USP54: variants seen among roughly 807,000 people sequenced by gnomAD.
USP54 encodes ubiquitin specific peptidase 54.
In USP54, 87 loss-of-function variants were observed where a neutral mutation model predicts 170.5. The observed-to-expected ratio is 0.51, with a 90% CI of 0.43 to 0.61. USP54 has a LOEUF of 0.61. Among genes scored for constraint, USP54 ranks in the 20% least tolerant of loss-of-function variants. The probability of loss-of-function intolerance (pLI) is 0.00; values close to 1 mark genes in which losing one functional copy is unlikely to be tolerated. For synonymous variants in USP54, 655 were observed against 742.8 expected, an observed-to-expected ratio of 0.88 and a Z score of 1.92; for missense variants, 1,786 against 2,047.8, an observed-to-expected ratio of 0.87 and a Z score of 2.47.
intron 20 of USP54, among the ~76,000 whole-genome samples, chr10:73,510,983 C>T (rs2060107572): frequency 6.6e-6 from 1 of 151,574 alleles, no homozygotes; most frequent in Non-Finnish European, 1.5e-5. Context: ...ATGTCCAGAA[C>T]AGGCAAATCT....
Position 73,520,953 on chromosome 10 carries a change from T to C in USP54, c.2437A>G (p.Lys813Glu). The C allele has an allele frequency of 6.2e-7, 1 of 1,614,210 alleles. No homozygotes were observed. The highest frequency in any genetic ancestry group is 1.6e-4 in the Middle Eastern group (1 of 6,062). Residue 813 changes from lysine to glutamate, a missense_variant, in exon 18 of 24, where the codon AAA (lysine) becomes GAA (glutamate). Physicochemically the swap from Lys to Glu is moderately conservative, Grantham distance 56. Transcript: ENST00000687698. ...GCCAAAGCTGCAGCACAGTCTCCTT[T>C]CTGTTCCAGATGTAGTGACTCTTCA... ...VFEESLHLEQ[K>E]GDCAAALALC...
At chr10:73,570,278 T>C (rs562298988) in intron 4 of USP54, among the ~76,000 whole-genome samples, 2 of 152,068 alleles carry the variant, frequency 1.3e-5, no homozygotes, top group African/African-American at 4.8e-5. Flanking sequence ...ATCATAGCTC[T>C]TTCTCTTTAG....
At position 73,526,776 on chromosome 10, in the gene USP54, G is replaced by C. The variant is rs1564698354; in HGVS notation, c.2065C>G (p.Pro689Ala). The C allele has an allele frequency of 1.9e-6, 3 of 1,613,666 alleles. No individual in the cohort carries two copies. The highest frequency in any genetic ancestry group is 2.5e-6 in the Non-Finnish European group (3 of 1,179,916). ...AACCCAGCTGATCTCTTAGCACTTG[G>C]ATCCCTTCAAAAGAGAACTCAGAGT... The part of the protein sequence containing the change: ...LPESSNVYRD[P>A]SAKRSAGLVP... Residue 689 changes from proline to alanine, a missense_variant, in exon 16 of 24, where the codon CCA becomes GCA. Pro to Ala is a conservative substitution (Grantham distance 27, BLOSUM62 -1). This residue lies in a region of USP54 where 1,418 missense variants were observed against 1,569.0 expected (regional missense o/e 0.90). Transcript: ENST00000687698.
intron 3 of USP54, among the ~76,000 whole-genome samples, chr10:73,572,093 C>T (rs1176472657): frequency 6.6e-6 from 1 of 152,084 alleles, no homozygotes; most frequent in Non-Finnish European, 1.5e-5. Context: ...TTGAGAATGG[C>T]ACTATACTTT....
rs1323209225 is a variant in USP54, at chr10:73,497,622, T to G, written c.*1007A>C. 1 of 152,326 alleles carries G rather than the reference T, an allele frequency of 6.6e-6. No individual in the cohort carries two copies. Among genetic ancestry groups the G allele is most frequent in the Non-Finnish European group, 1.5e-5 (1 of 68,062 alleles). 9.4% of individuals were successfully genotyped at this position (152,326 alleles called of 1,614,324 possible). ...TGGCCTAAAATAGTTCAGCTGACTC[T>G]GAGGGTTTACATTGACGACTGAGCA... On this transcript the variant is annotated 3_prime_UTR_variant, in exon 24 of 24. Coordinates refer to ENST00000687698, the MANE Select transcript of USP54 (RefSeq NM_001391956.1).
chr10:73,623,226 A>AG (rs2081231473), intron 1 of USP54, among the ~76,000 whole-genome samples: 1 of 152,096 alleles, frequency 6.6e-6, no homozygotes, highest in Non-Finnish European at 1.5e-5. Flanking sequence ...CTACAAAAAA[A>AG]ATTTTAATAA....
intron 11 of USP54, among the ~76,000 whole-genome samples, chr10:73,535,846 A>C (rs948549581): frequency 1.6e-4 from 24 of 152,140 alleles, no homozygotes; most frequent in African/African-American, 5.6e-4. Flanking sequence ...GCCCAGCTAC[A>C]CATTTGCAAT....
Position 73,575,832 on chromosome 10 carries a change from G to A in USP54, c.-52C>T. 1.5e-6 allele frequency: 1 copy of A among 672,014 alleles called. No homozygotes were observed. Among genetic ancestry groups the A allele is most frequent in the Non-Finnish European group, 2.3e-6 (1 of 434,052 alleles). The allele number at this position is 672,014 out of a possible 1,614,324, so 41.6% of individuals were successfully genotyped here. ...ATCATCTGTGTAGTCAAGGGACTCA[G>A]GTATCCTCCTAGATCAAGATGACAG... On this transcript the variant is annotated 5_prime_UTR_variant, in exon 2 of 24. Coordinates refer to ENST00000687698, the MANE Select transcript of USP54 (RefSeq NM_001391956.1).
At position 73,530,351 on chromosome 10, in the gene USP54, A is replaced by G. The variant is rs1437687148; in HGVS notation, c.1620T>C (p.Pro540=). ...GCAGGGTCCTAGGAGGTTTTTTGTC[A>G]GGCTGGTCTCCTCCTCTGCCCCTGC... is the stretch of plus-strand genomic sequence containing the variant. ...SHCRGRGGDQ[P]DKKPPRTLPL... is the part of the protein sequence containing the mutation. The change falls in exon 14 of 24, where the codon CCT becomes CCC. Residue 540 remains proline, a synonymous_variant. Coordinates refer to ENST00000687698, the MANE Select transcript of USP54 (RefSeq NM_001391956.1). 1 of 1,613,954 alleles carries G rather than the reference A, an allele frequency of 6.2e-7. No individual in the cohort carries two copies. Among genetic ancestry groups the G allele is most frequent in the Non-Finnish European group, 8.5e-7 (1 of 1,180,008 alleles).
At chr10:73,611,661 G>C (rs1181557572) in intron 1 of USP54, 1 of 151,726 alleles carries the variant, frequency 6.6e-6, no homozygotes. Context: ...GTTGGGCATG[G>C]TGGCAGGCAC....
chr10:73,535,046 C>A (rs1013090556), intron 11 of USP54, among the ~76,000 whole-genome samples: 1 of 152,028 alleles, frequency 6.6e-6, no homozygotes, highest in African/African-American at 2.4e-5. Context: ...TAAAACCTAT[C>A]GGGGGAAAAG....
intron 10 of USP54, among the ~76,000 whole-genome samples, chr10:73,537,332 A>C (rs1055364488): frequency 6.6e-6 from 1 of 152,198 alleles, no homozygotes; most frequent in African/African-American, 2.4e-5. Flanking sequence ...AAAAGAGACA[A>C]AGAAAAGAAT....
chr10:73,516,806 G>A lies in USP54; in HGVS notation c.3620C>T (p.Ser1207Phe). Residue 1207 changes from serine (S) to phenylalanine (F), a missense_variant, in exon 20 of 24, where the codon TCT becomes TTT. By Grantham distance (155) the Ser-to-Phe change is radical (BLOSUM62 -2). Transcript: ENST00000687698. ...LSWEESTEHS[S>F]LALNSGLPNG... ...AGGCAGCCCAGAGTTTAAGGCAAGAGAAGAATGTTCAGTGGACTCTTCCCA... is the reference window on the plus strand; with the variant it reads ...AGGCAGCCCAGAGTTTAAGGCAAGAAAAGAATGTTCAGTGGACTCTTCCCA... 2 of 1,614,224 alleles carry A rather than the reference G, an allele frequency of 1.2e-6. No individual in the cohort carries two copies. Among genetic ancestry groups the A allele is most frequent in the Non-Finnish European group, 1.7e-6 (2 of 1,180,032 alleles).
intron 4 of USP54, among the ~76,000 whole-genome samples, chr10:73,570,417 A>G (rs2074910907): frequency 6.6e-6 from 1 of 150,786 alleles, no homozygotes; most frequent in African/African-American, 2.5e-5. Flanking sequence ...TAAAAAAAAA[A>G]ACAGAAATGA....
chr10:73,624,173 TATATATATATATA>T (rs2132376609), intron 1 of USP54, among the ~76,000 whole-genome samples: 2 of 112,662 alleles, frequency 1.8e-5, no homozygotes, highest in East Asian at 3.9e-4. Context: ...TATATATATA[TATATATATATATA>T]TATATATATG....
Position 73,622,300 on chromosome 10 carries a change from A to ATATTTATT in USP54, c.-18+3259_-18+3266dup, listed in dbSNP as rs112001853. ...TTATTATTGCCTTAAGACTGTTGTA[A>ATATTTATT]TATTTATTTATTTATTTATTTATTT... On this transcript the variant is annotated intron_variant, in intron 1 of 22. Coordinates refer to the USP54 transcript ENST00000339859. Among the ~76,000 whole-genome samples, 192 of 149,662 alleles carry ATATTTATT rather than the reference A, an allele frequency of 1.3e-3. 1 individual carries two copies. The highest frequency in any genetic ancestry group is 3.5e-3 in the Middle Eastern group (1 of 288).
Position 73,563,937 on chromosome 10 carries a change from T to C in USP54, c.240+7484A>G, listed in dbSNP as rs368982214. On this transcript the variant is annotated intron_variant, in intron 4 of 23. Transcript: ENST00000687698. The stretch of plus-strand genomic sequence containing the variant: ...CCTAACTTTTTTTTCATGTCTTATT[T>C]AATAAGTACTTCCCTATCCCTGAGG... 8.5e-5 allele frequency among the ~76,000 whole-genome samples: 13 copies of C among 152,182 alleles called. No individual in the cohort carries two copies. In the East Asian group the frequency reaches 2.1e-3, roughly 25 times the overall value.
At chr10:73,625,352 G>T (rs2081442897) in intron 1 of USP54, among the ~76,000 whole-genome samples, 1 of 151,998 alleles carries the variant, frequency 6.6e-6, no homozygotes, top group Non-Finnish European at 1.5e-5. Flanking sequence ...TGTCCGTGGG[G>T]TATCTCTCCG....
chr10:73,524,198 C>A (rs113072048), intron 16 of USP54, among the ~76,000 whole-genome samples: 1 of 151,842 alleles, frequency 6.6e-6, no homozygotes, highest in East Asian at 1.9e-4. Context: ...GTGTGAGCCA[C>A]TGCGCCTGGC....
Sources: gnomAD v4.1 joint callset for allele counts (sites outside exome capture counted in the v4.1 genomes callset) on GRCh38, gnomAD v4.1.1 for gene constraint, gnomAD v4.1.1 regional missense constraint, MANE v1.5 for transcripts, NCBI Gene and HGNC (gene_info 2026-07-23, HGNC 2026-07-21) for gene names.